SFMBT2: variants seen among roughly 807,000 people sequenced by gnomAD.
SFMBT2 encodes the protein scm-like with four MBT domains protein 2.
A neutral mutation model predicts 110.1 loss-of-function variants in SFMBT2; 38 were observed. The ratio of observed to expected loss-of-function variants is 0.35; its 90% confidence interval spans 0.27 to 0.45. The LOEUF is 0.45. Among genes scored for constraint, SFMBT2 ranks in the 20% least tolerant of loss-of-function variants. The pLI, the probability that SFMBT2 is intolerant of heterozygous loss-of-function variation, is 1.00. For synonymous variants in SFMBT2, 425 were observed against 425.4 expected, an observed-to-expected ratio of 1.00 and a Z score of 0.01; for missense variants, 1,011 against 1,094.9, an observed-to-expected ratio of 0.92 and a Z score of 1.08.
chr10:7,403,563 AC>A (rs1240606356), intron 1 of SFMBT2, among the ~76,000 whole-genome samples: 2 of 151,954 alleles, frequency 1.3e-5, no homozygotes, highest in African/African-American at 2.4e-5. Context: ...AATTGCTTGA[AC>A]CCAGGAGCCA....
intron 11 of SFMBT2, chr10:7,219,707 GA>G (rs57270305): frequency 0.49 from 179,468 of 365,372 alleles, 49,507 homozygotes; most frequent in East Asian, 0.85. Flanking sequence ...GAAATCCTAG[GA>G]AAAAAAACCA....
At chr10:7,370,475 G>T in intron 2 of SFMBT2, 100 bp from the exon 3 acceptor site, 3 of 995,866 alleles carry the variant, frequency 3.0e-6, no homozygotes, top group African/African-American at 1.6e-5. Context: ...CAAGACACAA[G>T]CTAATTCCAC....
chr10:7,317,983 C>T (rs541371468), intron 4 of SFMBT2, among the ~76,000 whole-genome samples: 6 of 152,294 alleles, frequency 3.9e-5, no homozygotes, highest in African/African-American at 7.2e-5. Context: ...CAGTCTAAGA[C>T]GGTGGCTGCA....
intron 4 of SFMBT2, among the ~76,000 whole-genome samples, chr10:7,297,535 G>A (rs1024661744): frequency 6.6e-5 from 10 of 152,084 alleles, no homozygotes; most frequent in African/African-American, 1.4e-4. Flanking sequence ...GGGAAAGGGC[G>A]AATGGGAGGG....
intron 4 of SFMBT2, among the ~76,000 whole-genome samples, chr10:7,288,835 C>G (rs1331109497): frequency 7.0e-6 from 1 of 143,152 alleles, no homozygotes; most frequent in African/African-American, 2.7e-5. Context: ...TCAAGATCAG[C>G]CTGGCCAATA....
chr10:7,379,800 T>C (rs542465956), intron 2 of SFMBT2, among the ~76,000 whole-genome samples: 1 of 152,228 alleles, frequency 6.6e-6, no homozygotes, highest in Non-Finnish European at 1.5e-5. Flanking sequence ...ATGGGTTTTC[T>C]GCATGGACTC....
At chr10:7,182,573 T>G (rs188949090) in intron 16 of SFMBT2, among the ~76,000 whole-genome samples, 1 of 151,924 alleles carries the variant, frequency 6.6e-6, no homozygotes. Context: ...GGTAGGGACA[T>G]GGATGAAGCT....
At chr10:7,246,195 A>G (rs1840603304) in intron 8 of SFMBT2, 1 of 983,332 alleles carries the variant, frequency 1.0e-6, no homozygotes, top group Non-Finnish European at 1.2e-6. Flanking sequence ...AAAGGGTAAG[A>G]AAAAGCAAAA....
At chr10:7,279,780 G>A (rs1178613120) in intron 6 of SFMBT2, among the ~76,000 whole-genome samples, 1 of 152,162 alleles carries the variant, frequency 6.6e-6, no homozygotes, top group Non-Finnish European at 1.5e-5. Flanking sequence ...ACAGGAAGCA[G>A]TAATGCATAA....
intron 8 of SFMBT2, chr10:7,246,100 T>C: frequency 5.2e-6 from 5 of 963,612 alleles, no homozygotes; most frequent in South Asian, 9.6e-5. Context: ...CAGATGCACA[T>C]ACCCCAATCC....
In SFMBT2 at chr10:7,344,921, T is replaced by C. The variant is rs1213396632; in HGVS notation, c.436+22728A>G. Among the ~76,000 whole-genome samples the C allele has an allele frequency of 1.5e-4, 20 of 130,914 alleles. No individual in the cohort carries two copies. In the Admixed American group the frequency reaches 1.8e-3, roughly 12 times the overall value. 85.9% of individuals were successfully genotyped at this position (130,914 alleles called of 152,430 possible). The stretch of plus-strand genomic sequence containing the variant: ...TTGCAGTGAGCCGAGATTGCGCCAC[T>C]GCACTCCAGCCTGGGCGACAGAGCG... On this transcript the variant is annotated intron_variant, in intron 4 of 20. Coordinates refer to ENST00000397167, the MANE Select transcript of SFMBT2 (RefSeq NM_001387889.1).
intron 4 of SFMBT2, among the ~76,000 whole-genome samples, chr10:7,288,053 A>G (rs897097600): frequency 9.2e-5 from 14 of 152,266 alleles, no homozygotes; most frequent in Non-Finnish European, 1.8e-4. Flanking sequence ...ATTATTACAT[A>G]TATCTTTTTA....
chr10:7,340,534 T>A lies in SFMBT2; in HGVS notation c.436+27115A>T, dbSNP rs147651424. Among the ~76,000 whole-genome samples, 972 of 151,508 alleles carry A rather than the reference T, an allele frequency of 6.4e-3. 16 individuals are homozygous for A. The highest frequency in any genetic ancestry group is 0.022 in the African/African-American group (906 of 41,268). ...CCCAGGTTATTTTGTCTCTCAATGTTACAACCAACAGGCTCAAGCAAAGCA... is the reference window on the plus strand; with the variant it reads ...CCCAGGTTATTTTGTCTCTCAATGTAACAACCAACAGGCTCAAGCAAAGCA... On this transcript the variant is annotated intron_variant, in intron 4 of 20. Transcript: ENST00000397167.
chr10:7,238,934 T>C (rs1840347955), intron 9 of SFMBT2, among the ~76,000 whole-genome samples: 1 of 152,246 alleles, frequency 6.6e-6, no homozygotes, highest in African/African-American at 2.4e-5. Context: ...TTGCTGTTTA[T>C]TGGGTTTAAA....
At chr10:7,279,325 C>G (rs1158809007) in intron 6 of SFMBT2, among the ~76,000 whole-genome samples, 5 of 152,180 alleles carry the variant, frequency 3.3e-5, no homozygotes, top group African/African-American at 4.8e-5. Flanking sequence ...AACAAGAAGC[C>G]CAGGTGCCAG....
intron 20 of SFMBT2, among the ~76,000 whole-genome samples, chr10:7,168,084 C>T (rs1051356546): frequency 6.6e-6 from 1 of 150,880 alleles, no homozygotes; most frequent in African/African-American, 2.4e-5. Flanking sequence ...AAAAAAAGAG[C>T]AACTTGATTC....
chr10:7,190,868 T>A (rs1180658491), intron 15 of SFMBT2, among the ~76,000 whole-genome samples: 1 of 149,558 alleles, frequency 6.7e-6, no homozygotes, highest in African/African-American at 2.6e-5. Flanking sequence ...ATAATTCCCA[T>A]GTGTTGTGGG....
In SFMBT2 at chr10:7,172,618, G is replaced by A. The variant is rs371692681; in HGVS notation, c.2028C>T (p.Ile676=). The change falls in exon 18 of 21, where the codon ATC becomes ATT. Residue 676 remains isoleucine (I), a synonymous_variant. Coordinates refer to ENST00000397167, the MANE Select transcript of SFMBT2 (RefSeq NM_001387889.1). This position sits in a 1 kb window ranked among gnomAD's most constrained non-coding sequence, Gnocchi z 4.6. ...GKRKKISKPP[I]GESNPDSGHP... ...GTCCGCTGTCGGGGTTGCTTTCCCC[G>A]ATGGGGGGCTTGGAGATCTTCTTTC... The A allele has an allele frequency of 2.5e-5, 41 of 1,614,112 alleles. No individual in the cohort carries two copies. Among genetic ancestry groups the A allele is most frequent in the Non-Finnish European group, 3.1e-5 (36 of 1,180,048 alleles).
chr10:7,229,175 C>T (rs1840036472), intron 9 of SFMBT2, among the ~76,000 whole-genome samples: 1 of 152,182 alleles, frequency 6.6e-6, no homozygotes, highest in African/African-American at 2.4e-5. Flanking sequence ...CCAAATCCCC[C>T]AGTTTCTTTT....
Sources: allele counts gnomAD v4.1 joint callset (sites outside exome capture counted in the v4.1 genomes callset), GRCh38; gene constraint gnomAD v4.1.1; non-coding constraint Gnocchi (gnomAD v3.1); transcripts MANE v1.5; gene names NCBI Gene and HGNC (gene_info 2026-07-23, HGNC 2026-07-21).